The following SOS2 variants were observed in gnomAD, a reference collection of about 807,000 sequenced individuals.
The protein encoded by SOS2 is SOS Ras/Rho guanine nucleotide exchange factor 2.
Under a neutral mutation model 148.2 loss-of-function variants are expected in SOS2, and 65 were observed. The ratio of observed to expected loss-of-function variants is 0.44; its 90% CI spans 0.36 to 0.54. The LOEUF (loss-of-function observed/expected upper bound fraction) is 0.54. Ranked by LOEUF, SOS2 falls within the 20% of genes least tolerant of loss-of-function variation. SOS2 has a pLI of 0.00. For missense variants in SOS2, 1,341 were observed against 1,590.2 expected (o/e 0.84, Z 2.67); for synonymous variants, 539 against 537.1 (o/e 1.00, Z -0.05).
At chr14:50,140,856 T>C (rs764999691) in intron 16 of SOS2, among the ~76,000 whole-genome samples, 4 of 151,938 alleles carry the variant, frequency 2.6e-5, no homozygotes, top group Admixed American at 1.3e-4. Context: ...ATAAAACCAA[T>C]AGACAAAAAT....
intron 14 of SOS2, among the ~76,000 whole-genome samples, chr14:50,146,854 A>G (rs1884492147): frequency 1.3e-5 from 2 of 152,136 alleles, no homozygotes; most frequent in South Asian, 4.1e-4. Flanking sequence ...TGATTTAAGT[A>G]AAAAGCATGT....
In SOS2 at chr14:50,129,953, A is replaced by AT; in HGVS notation, c.3379+7dup. On this transcript the variant is annotated splice_region_variant and intron_variant, in intron 21 of 22. Transcript: ENST00000216373. ...ATTTCATTAAGAATCAACTTAAATT[A>AT]TACTTACTTGAATGTGGCAAAAGCA... is the stretch of plus-strand genomic sequence containing the variant. The AT allele has an allele frequency of 6.5e-7, 1 of 1,545,048 alleles. No individual in the cohort carries two copies. The highest frequency in any genetic ancestry group is 8.9e-7 in the Non-Finnish European group (1 of 1,122,412).
chr14:50,142,744 T>C (rs929294358), intron 16 of SOS2, among the ~76,000 whole-genome samples: 2 of 152,250 alleles, frequency 1.3e-5, no homozygotes, highest in Non-Finnish European at 2.9e-5. Flanking sequence ...TTTCCTGTTT[T>C]CTGCTACTAC....
chr14:50,226,403 T>C (rs1887378090), intron 1 of SOS2, among the ~76,000 whole-genome samples: 1 of 152,206 alleles, frequency 6.6e-6, no homozygotes, highest in Non-Finnish European at 1.5e-5. Flanking sequence ...TCAGGAAAGA[T>C]CCAGTGCCAT....
Position 50,157,134 on chromosome 14 carries a change from G to A in SOS2, c.1935-13C>T. ...TGGAATTTCAAACCTAAGAAGAAAA[G>A]CAAAAGGAGAAAAATCCGTTCATAC... On this transcript the variant is annotated splice_polypyrimidine_tract_variant and intron_variant, in intron 11 of 22. Transcript: ENST00000216373. 1 of 1,606,370 alleles carries A rather than the reference G, an allele frequency of 6.2e-7. No homozygotes were observed. The highest frequency in any genetic ancestry group is 8.5e-7 in the Non-Finnish European group (1 of 1,176,678).
intron 16 of SOS2, 45 bp from the exon 17 acceptor site, chr14:50,140,104 C>G: frequency 2.1e-6 from 2 of 951,990 alleles, no homozygotes; most frequent in Middle Eastern, 5.0e-4. Context: ...ACAATTCAAT[C>G]ATATTTTATA....
At chr14:50,224,364 C>T (rs2009577) in intron 1 of SOS2, among the ~76,000 whole-genome samples, 26,202 of 107,662 alleles carry the variant, frequency 0.24, 3,381 homozygotes, top group Admixed American at 0.37. Flanking sequence ...CACACACACA[C>T]ATATATATAA....
intron 1 of SOS2, among the ~76,000 whole-genome samples, chr14:50,211,552 T>G (rs1409542136): frequency 6.6e-6 from 1 of 151,142 alleles, no homozygotes; most frequent in African/African-American, 2.4e-5. Flanking sequence ...CAGCATTTGT[T>G]TTTTTTTTGT....
chr14:50,118,916 A>C, intron 22 of SOS2, 63 bp from the exon 23 acceptor site: 1 of 1,106,266 alleles, frequency 9.0e-7, no homozygotes, highest in Non-Finnish European at 1.2e-6. Flanking sequence ...AAAATTTTTA[A>C]GTCTGAAAAA....
Position 50,121,535 on chromosome 14 carries a change from G to C in SOS2, c.3380-1151C>G, listed in dbSNP as rs982959091. Among the ~76,000 whole-genome samples, 171 of 146,880 alleles carry C rather than the reference G, an allele frequency of 1.2e-3. 12 individuals are homozygous for C. Among genetic ancestry groups the C allele is most frequent in the African/African-American group, 3.8e-3 (146 of 38,820 alleles). On this transcript the variant is annotated intron_variant, in intron 21 of 22. Coordinates refer to ENST00000216373, the MANE Select transcript of SOS2 (RefSeq NM_006939.4). The stretch of plus-strand genomic sequence containing the variant: ...TCTGCAGTTACTTCCTGGGGGAGGG[G>C]GGGGAGTCCTGTTGACTCAGGGGGA...
intron 5 of SOS2, among the ~76,000 whole-genome samples, chr14:50,185,607 G>A (rs1444978301): frequency 1.3e-5 from 2 of 150,906 alleles, no homozygotes; most frequent in East Asian, 2.0e-4. Context: ...CAGGAGAATC[G>A]CTTGAACCCG....
intron 13 of SOS2, among the ~76,000 whole-genome samples, chr14:50,152,504 A>C (rs1884692681): frequency 1.3e-5 from 2 of 152,240 alleles, no homozygotes; most frequent in South Asian, 4.1e-4. Context: ...AAATAGCTTA[A>C]ATTTATTAAA....
intron 17 of SOS2, among the ~76,000 whole-genome samples, chr14:50,138,990 G>T (rs1436691987): frequency 6.6e-6 from 1 of 151,866 alleles, no homozygotes; most frequent in Non-Finnish European, 1.5e-5. Context: ...AAAATAAAAA[G>T]AAAATAAAAG....
At position 50,130,063 on chromosome 14, in the gene SOS2, A is replaced by C; in HGVS notation, c.3338-61T>G. 3 of 1,040,862 alleles carry C rather than the reference A, an allele frequency of 2.9e-6. No homozygotes were observed. The South Asian group carries it at 4.1e-5, about 14-fold the overall frequency. 64.5% of individuals were successfully genotyped at this position (1,040,862 alleles called of 1,614,324 possible). On this transcript the variant is annotated intron_variant, in intron 20 of 22. Transcript: ENST00000216373. ...GTAACATGTAGGTATTATTTTTTAA[A>C]TGTTTCCATAAATAATACGTAATAC...
At chr14:50,209,026 G>C (rs1000775307) in intron 1 of SOS2, among the ~76,000 whole-genome samples, 1 of 152,132 alleles carries the variant, frequency 6.6e-6, no homozygotes, top group African/African-American at 2.4e-5. Flanking sequence ...TTGACTAAAG[G>C]CCTGAATAGA....
At chr14:50,135,360 AAATTT>A (rs1267806670) in intron 18 of SOS2, among the ~76,000 whole-genome samples, 1 of 151,392 alleles carries the variant, frequency 6.6e-6, no homozygotes, top group South Asian at 2.1e-4. Context: ...TTTTAAGCTT[AAATTT>A]AAGTTTTAAC....
At chr14:50,154,876 T>C (rs1181793866) in intron 12 of SOS2, among the ~76,000 whole-genome samples, 1 of 152,188 alleles carries the variant, frequency 6.6e-6, no homozygotes, top group Non-Finnish European at 1.5e-5. Flanking sequence ...ATTATGGAGA[T>C]ACATGTATTT....
At chr14:50,213,297 T>C (rs1450376527) in intron 1 of SOS2, among the ~76,000 whole-genome samples, 1 of 152,070 alleles carries the variant, frequency 6.6e-6, no homozygotes, top group Admixed American at 6.6e-5. Context: ...GGTAAAAAGT[T>C]TGAATTTGGT....
intron 22 of SOS2, among the ~76,000 whole-genome samples, chr14:50,119,522 T>A (rs1040592454): frequency 6.6e-6 from 1 of 152,108 alleles, no homozygotes. Context: ...GCCTCTTTTT[T>A]ATTTTTTTAT....
Sources: gnomAD v4.1 joint callset for allele counts (sites outside exome capture counted in the v4.1 genomes callset) on GRCh38, gnomAD v4.1.1 for gene constraint, MANE v1.5 for transcripts, NCBI Gene and HGNC (gene_info 2026-07-23, HGNC 2026-07-21) for gene names.